Variants in TRMT2B observed in about 807,000 individuals in gnomAD.
TRMT2B encodes tRNA (uracil-5-)-methyltransferase homolog B.
A neutral mutation model predicts 39.7 loss-of-function variants in TRMT2B; 34 were observed. The observed-to-expected ratio is 0.86, with a 90% confidence interval of 0.65 to 1.14. The LOEUF is 1.14. TRMT2B is among the 50% of genes most tolerant of loss of function. The pLI, the probability that TRMT2B is intolerant of heterozygous loss-of-function variation, is 0.00. For missense variants in TRMT2B, 318 were observed against 377.2 expected (o/e 0.84, Z 1.30); for synonymous variants, 132 against 137.3 (o/e 0.96, Z 0.27).
chrX:101,007,829 C>T (rs1349152076), downstream of TRMT2B, among the ~76,000 whole-genome samples: 5 of 111,139 alleles, frequency 4.5e-5, no homozygotes, highest in Admixed American at 4.8e-4. Flanking sequence ...TCCCCACTAG[C>T]TGGTATTTCA....
chrX:100,973,828 C>A, the TRMT2B span: 1 of 989,105 alleles, frequency 1.0e-6, no homozygotes, highest in Non-Finnish European at 1.4e-6. Flanking sequence ...AGGGACAAAT[C>A]TTCATAATAT....
At chrX:100,987,277 A>G in the TRMT2B span, 1 of 756,630 alleles carries the variant, frequency 1.3e-6, no homozygotes, top group South Asian at 2.8e-5. Flanking sequence ...GAGCCTCTCT[A>G]GGCATAGCAG....
the TRMT2B span, among the ~76,000 whole-genome samples, chrX:101,003,212 G>C: frequency 1.9e-5 from 2 of 106,685 alleles, no homozygotes; most frequent in Non-Finnish European, 3.9e-5. Flanking sequence ...CACTGCATCT[G>C]ACCAAAATAA....
In TRMT2B at chrX:101,038,140, C is replaced by T. The variant is rs1396901124; in HGVS notation, c.304-89G>A. On this transcript the variant is annotated intron_variant, in intron 4 of 13. Coordinates refer to ENST00000372936, the MANE Select transcript of TRMT2B (RefSeq NM_024917.6). Reference sequence around the variant, plus strand: ...CCCAGCACTTTGGGAGGCCGAGGTGCGTGGATCACCTGAGGTTAGGAGTTC... The same window carrying T: ...CCCAGCACTTTGGGAGGCCGAGGTGTGTGGATCACCTGAGGTTAGGAGTTC... The T allele has an allele frequency of 4.4e-5, 35 of 804,357 alleles. No homozygotes were observed. In the East Asian group the frequency reaches 7.5e-4, roughly 17 times the overall value. The allele number at this position is 804,357 out of a possible 1,213,427, so 66.3% of individuals were successfully genotyped here. A position where few individuals can be genotyped will look rare whatever the true frequency, so the allele number is the denominator to read the frequency against.
chrX:101,011,802 G>A (rs982090461), intron 13 of TRMT2B, among the ~76,000 whole-genome samples: 2 of 111,442 alleles, frequency 1.8e-5, no homozygotes, highest in African/African-American at 3.3e-5. Context: ...GCTGAGGCGG[G>A]AGGATGTCTT....
At chrX:101,042,014 G>A in intron 3 of TRMT2B, 28 bp downstream of exon 3, 1 of 1,207,170 alleles carries the variant, frequency 8.3e-7, no homozygotes, top group Non-Finnish European at 1.1e-6. Flanking sequence ...GACCTGCTAA[G>A]GAGAGAGGAC....
the TRMT2B span, chrX:100,990,290 G>A: frequency 1.2e-6 from 1 of 836,565 alleles, no homozygotes; most frequent in Non-Finnish European, 1.4e-6. Context: ...CTGGCACTTG[G>A]CTTCACTTAC....
At chrX:100,980,357 A>G in the TRMT2B span, among the ~76,000 whole-genome samples, 21 of 108,810 alleles carry the variant, frequency 1.9e-4, no homozygotes, top group Non-Finnish European at 2.5e-4. Flanking sequence ...CTCAAGCAGA[A>G]TTGGCCACCA....
At chrX:101,007,873 A>G (rs2086127895), downstream of TRMT2B, among the ~76,000 whole-genome samples, 1 of 110,856 alleles carries the variant, frequency 9.0e-6, no homozygotes, top group South Asian at 3.9e-4. Context: ...GAACTGGGGC[A>G]AGAGTGAATA....
chrX:101,003,941 C>T, the TRMT2B span, among the ~76,000 whole-genome samples: 378 of 111,146 alleles, frequency 3.4e-3, 3 homozygotes, highest in African/African-American at 0.011. Flanking sequence ...AGCAATCCTC[C>T]CACCTCAGCC....
In TRMT2B at chrX:101,044,437, T is replaced by C. The variant is rs540860193; in HGVS notation, c.-23-2125A>G. 4.3e-4 allele frequency among the ~76,000 whole-genome samples: 48 copies of C among 110,453 alleles called. No homozygotes were observed. The South Asian group carries it at 0.014, about 33-fold the overall frequency. ...ACAAGCTGTAAGATGAAAAAGGGCT[T>C]TGAGGCCAAGCACGGTGGCTCATGC... On this transcript the variant is annotated intron_variant, in intron 2 of 13. Transcript: ENST00000372936.
rs191387981 is a variant in TRMT2B, at chrX:101,019,441, A to T, written c.1169-38T>A. 347 of 1,203,787 alleles carry T rather than the reference A, an allele frequency of 2.9e-4. 1 individual carries two copies. In the Admixed American group the frequency reaches 7.2e-3, roughly 25 times the overall value. On this transcript the variant is annotated intron_variant, in intron 11 of 13. Coordinates refer to ENST00000372936, the MANE Select transcript of TRMT2B (RefSeq NM_024917.6). ...GGCCCACAGGACATAACTCAAGCCC[A>T]GCAGTAAGGGAAAGCTTCAGCTTCA...
chrX:100,982,569 T>C, the TRMT2B span, among the ~76,000 whole-genome samples: 2 of 109,311 alleles, frequency 1.8e-5, no homozygotes, highest in Non-Finnish European at 3.8e-5. Flanking sequence ...CAGAATCACC[T>C]GGGGAGCTTT....
chrX:101,020,656 T>TGTTTA (rs1225572754), intron 10 of TRMT2B, 68 bp from the exon 11 acceptor site: 18 of 885,966 alleles, frequency 2.0e-5, no homozygotes, highest in East Asian at 3.1e-5. Context: ...GTTTGTTTTT[T>TGTTTA]GTTTAGTTTA....
In TRMT2B at chrX:101,028,112, CT is replaced by C. The variant is rs1161374681; in HGVS notation, c.610-4497del. Among the ~76,000 whole-genome samples the C allele has an allele frequency of 4.9e-3, 386 of 78,431 alleles. 3 individuals carry two copies. Among genetic ancestry groups the C allele is most frequent in the African/African-American group, 0.013 (262 of 19,766 alleles). 68.1% of individuals were successfully genotyped at this position (78,431 alleles called of 115,157 possible). ...TTAGAGCCATTTTTTACTTCTTGCTCTTTTTTTTTTTTTTTTTTTTTTTGAG... is the reference window on the plus strand; with the variant it reads ...TTAGAGCCATTTTTTACTTCTTGCTCTTTTTTTTTTTTTTTTTTTTTTGAG... On this transcript the variant is annotated intron_variant, in intron 7 of 13. Transcript: ENST00000372936.
At chrX:101,011,212 C>T (rs1222219313) in intron 13 of TRMT2B, among the ~76,000 whole-genome samples, 1 of 111,601 alleles carries the variant, frequency 9.0e-6, no homozygotes, top group South Asian at 3.7e-4. Context: ...AGCATACTTA[C>T]AAATATCTAG....
At chrX:101,012,508 G>T (rs1297292449) in intron 13 of TRMT2B, among the ~76,000 whole-genome samples, 1 of 93,417 alleles carries the variant, frequency 1.1e-5, no homozygotes, top group Non-Finnish European at 2.1e-5. Flanking sequence ...GAGTGTGATG[G>T]TCCCCTTCCT....
At chrX:100,996,583 C>G in the TRMT2B span, among the ~76,000 whole-genome samples, 267 of 112,052 alleles carry the variant, frequency 2.4e-3, no homozygotes, top group African/African-American at 8.1e-3. Flanking sequence ...TTCCTCCCCT[C>G]GCCCCCTTAT....
At chrX:101,025,821 T>C (rs1379280333) in intron 7 of TRMT2B, among the ~76,000 whole-genome samples, 2 of 110,531 alleles carry the variant, frequency 1.8e-5, no homozygotes, top group Non-Finnish European at 3.8e-5. Flanking sequence ...TTGCCAGACA[T>C]GGTGGCGGGC....
Sources: allele counts gnomAD v4.1 joint callset (sites outside exome capture counted in the v4.1 genomes callset), GRCh38; gene constraint gnomAD v4.1.1; transcripts MANE v1.5; gene names NCBI Gene and HGNC (gene_info 2026-07-23, HGNC 2026-07-21).